ARNT: variants seen among roughly 807,000 people sequenced by gnomAD.
The protein encoded by ARNT is class E basic helix-loop-helix protein 2.
ARNT carries 30 observed loss-of-function variants against 105.0 expected under a neutral mutation model. That is an observed-to-expected ratio of 0.29 (90% CI 0.21 to 0.39). The LOEUF is 0.39. ARNT is among the 10% of genes least tolerant of loss of function. The pLI is 1.00. For missense variants in ARNT, 748 were observed against 978.7 expected (o/e 0.76, Z 3.15); for synonymous variants, 304 against 344.0 (o/e 0.88, Z 1.29).
chr1:150,861,217 A>T (rs1401852366), intron 1 of ARNT: 1 of 323,142 alleles, frequency 3.1e-6, no homozygotes, highest in South Asian at 2.3e-5. Flanking sequence ...TCCAAAAATT[A>T]AAAATAAAAC....
At chr1:150,824,862 TTTTTA>T (rs1557869539) in intron 13 of ARNT, among the ~76,000 whole-genome samples, 1 of 152,044 alleles carries the variant, frequency 6.6e-6, no homozygotes, top group African/African-American at 2.4e-5. Context: ...GTTATTTTAT[TTTTTA>T]TTTTATTTTA....
chr1:150,847,362 C>T (rs10305675), intron 3 of ARNT, among the ~76,000 whole-genome samples: 9,600 of 127,518 alleles, frequency 0.075, 1,047 homozygotes, highest in African/African-American at 0.26. Context: ...ACCTGGGAGG[C>T]GGAGGTTGCA....
chr1:150,836,578 G>C, intron 6 of ARNT, 85 bp from the exon 7 acceptor site: 1 of 1,348,366 alleles, frequency 7.4e-7, no homozygotes, highest in African/African-American at 1.5e-5. Context: ...AGACACTTCA[G>C]GCCACATGCA....
intron 8 of ARNT, 76 bp downstream of exon 8, chr1:150,834,461 CT>C: frequency 7.0e-7 from 1 of 1,424,358 alleles, no homozygotes; most frequent in Non-Finnish European, 9.9e-7. Flanking sequence ...GCTAATCCAA[CT>C]TAACTCTGAC....
chr1:150,861,450 G>GA (rs762582128), intron 1 of ARNT: 12 of 265,812 alleles, frequency 4.5e-5, no homozygotes, highest in Non-Finnish European at 8.3e-5. Context: ...CACGTTCACA[G>GA]AAGTACTATT....
chr1:150,858,750 T>C (rs1388940926), intron 1 of ARNT, among the ~76,000 whole-genome samples: 1 of 151,346 alleles, frequency 6.6e-6, no homozygotes, highest in East Asian at 1.9e-4. Context: ...GCTTCTGGAA[T>C]AGCTAGGACT....
In ARNT at chr1:150,816,819, G is replaced by C; in HGVS notation, c.1771C>G (p.Pro591Ala). Residue 591 changes from proline (P) to alanine (A), a missense_variant, in exon 18 of 22, where the codon CCT becomes GCT. This residue lies in a region of ARNT where 360 missense variants were observed against 411.9 expected (regional missense o/e 0.87). Transcript: ENST00000358595. The part of the protein sequence containing the change: ...QQLFSQGNTF[P>A]PTPRPAENFR... Reference sequence around the variant, plus strand: ...TTCTCTGCCGGCCGGGGGGTAGGAGGGAATGTGTTGCCCTGGGAGAATAGC... The same window carrying C: ...TTCTCTGCCGGCCGGGGGGTAGGAGCGAATGTGTTGCCCTGGGAGAATAGC... The C allele has an allele frequency of 6.3e-7, 1 of 1,588,100 alleles. No homozygotes were observed. The highest frequency in any genetic ancestry group is 2.2e-5 in the East Asian group (1 of 44,792).
In ARNT at chr1:150,811,461, C is replaced by CACACAT; in HGVS notation, c.*559_*560insATGTGT. The CACACAT allele has an allele frequency of 4.4e-6, 1 of 225,200 alleles. No individual in the cohort carries two copies. The highest frequency in any genetic ancestry group is 8.8e-6 in the Non-Finnish European group (1 of 113,520). The allele number at this position is 225,200 out of a possible 1,614,324, so 14.0% of individuals were successfully genotyped here. On this transcript the variant is annotated 3_prime_UTR_variant, in exon 22 of 22. Transcript: ENST00000358595. ...TGAAATACAGAAGCATGTGTGCGCACACACACACACACACACATACACACA... is the reference window on the plus strand; with the variant it reads ...TGAAATACAGAAGCATGTGTGCGCACACACATACACACACACACACACATACACACA...
chr1:150,862,797 A>T (rs188421047), intron 1 of ARNT, among the ~76,000 whole-genome samples: 1 of 151,616 alleles, frequency 6.6e-6, no homozygotes, highest in African/African-American at 2.4e-5. Flanking sequence ...TCAAACCTGT[A>T]ATCCTAGCAC....
intron 1 of ARNT, among the ~76,000 whole-genome samples, chr1:150,864,770 A>AAAAAT (rs201604664): frequency 1.0e-4 from 8 of 79,380 alleles, no homozygotes; most frequent in South Asian, 3.9e-4. Context: ...AATAAAAAAT[A>AAAAAT]AATAAATAAA....
At chr1:150,849,068 T>C (rs1251500673) in intron 3 of ARNT, among the ~76,000 whole-genome samples, 1 of 151,962 alleles carries the variant, frequency 6.6e-6, no homozygotes, top group South Asian at 2.1e-4. Context: ...CCGGGCATGG[T>C]AGTGCATGCC....
intron 8 of ARNT, 130 bp from the exon 9 acceptor site, chr1:150,832,529 G>A: frequency 1.2e-6 from 1 of 823,156 alleles, no homozygotes. Flanking sequence ...TAATAATGAA[G>A]GATAAAGATA....
intron 14 of ARNT, among the ~76,000 whole-genome samples, chr1:150,820,084 T>A (rs1223450805): frequency 6.6e-6 from 1 of 152,164 alleles, no homozygotes; most frequent in Non-Finnish European, 1.5e-5. Context: ...AAATAAAGAT[T>A]TACTGGAACA....
intron 1 of ARNT, among the ~76,000 whole-genome samples, chr1:150,866,926 C>T (rs147618384): frequency 1.9e-3 from 282 of 152,202 alleles, no homozygotes; most frequent in African/African-American, 6.3e-3. Flanking sequence ...CAAATAGAGG[C>T]TGGGCGCAAT....
At chr1:150,821,658 A>C (rs997040552) in intron 14 of ARNT, among the ~76,000 whole-genome samples, 1 of 151,178 alleles carries the variant, frequency 6.6e-6, no homozygotes, top group East Asian at 1.9e-4. Context: ...TTTTATTTTT[A>C]TTTTTTTTGA....
chr1:150,821,042 T>G lies in ARNT; in HGVS notation c.1394+2152A>C, dbSNP rs1656957073. ...TTTGTATGTTGTACGTATTATGTACTGTATTCTTACAATAAAGCTAAAGAG... is the reference window on the plus strand; with the variant it reads ...TTTGTATGTTGTACGTATTATGTACGGTATTCTTACAATAAAGCTAAAGAG... On this transcript the variant is annotated intron_variant, in intron 14 of 21. Coordinates refer to ENST00000358595, the MANE Select transcript of ARNT (RefSeq NM_001668.4). Among the ~76,000 whole-genome samples the G allele has an allele frequency of 2.0e-5, 3 of 152,380 alleles. No homozygotes were observed. In the South Asian group the frequency reaches 6.2e-4, roughly 32 times the overall value.
chr1:150,817,715 A>G (rs1245922672), intron 15 of ARNT, among the ~76,000 whole-genome samples: 1 of 151,504 alleles, frequency 6.6e-6, no homozygotes, highest in East Asian at 2.0e-4. Flanking sequence ...AGGCTGAGGC[A>G]GGTGAATCAC....
At chr1:150,851,182 T>TCCGG (rs1557928079) in intron 3 of ARNT, among the ~76,000 whole-genome samples, 1 of 141,476 alleles carries the variant, frequency 7.1e-6, no homozygotes, top group East Asian at 2.2e-4. Flanking sequence ...AGCCACCCCG[T>TCCGG]CCAGGAGAGA....
chr1:150,874,018 TA>T (rs58707975), intron 1 of ARNT, among the ~76,000 whole-genome samples: 4,968 of 64,418 alleles, frequency 0.077, 114 homozygotes, highest in Middle Eastern at 0.12. Context: ...ACAAGAATTG[TA>T]AAAAAAAAAA....
Sources: gnomAD v4.1 joint callset for allele counts (sites outside exome capture counted in the v4.1 genomes callset) on GRCh38, gnomAD v4.1.1 for gene constraint, gnomAD v4.1.1 regional missense constraint, MANE v1.5 for transcripts, NCBI Gene and HGNC (gene_info 2026-07-23, HGNC 2026-07-21) for gene names.